Variants in NRXN3 observed in about 807,000 individuals in gnomAD.
NRXN3 encodes neurexin 3.
Under a neutral mutation model 137.6 loss-of-function variants are expected in NRXN3, and 32 were observed. The observed-to-expected ratio is 0.23, with a 90% CI of 0.18 to 0.31. The LOEUF is 0.31. NRXN3 is among the 10% of genes least tolerant of loss of function. NRXN3 has a pLI of 1.00. For synonymous variants in NRXN3, 798 were observed against 784.5 expected, an observed-to-expected ratio of 1.02 and a Z score of -0.29; for missense variants, 1,574 against 2,062.5, an observed-to-expected ratio of 0.76 and a Z score of 4.59.
At position 79,712,065 on chromosome 14, in the gene NRXN3, A is replaced by T. The variant is rs187304813; in HGVS notation, c.4014+14128A>T. 2.4e-3 allele frequency among the ~76,000 whole-genome samples: 361 copies of T among 152,326 alleles called. 1 individual carries two copies. The highest frequency in any genetic ancestry group is 8.2e-3 in the African/African-American group (341 of 41,564). On this transcript the variant is annotated intron_variant, in intron 19 of 20. Coordinates refer to ENST00000335750, the MANE Select transcript of NRXN3 (RefSeq NM_001330195.2). ...ACTTTGTTTTCTGAAAACGCAGCTGAAGATAGATAGATAGCATCGTGAGAC... is the reference window on the plus strand; with the variant it reads ...ACTTTGTTTTCTGAAAACGCAGCTGTAGATAGATAGATAGCATCGTGAGAC...
chr14:78,439,926 T>A (rs113465086), intron 4 of NRXN3, among the ~76,000 whole-genome samples: 4 of 152,206 alleles, frequency 2.6e-5, no homozygotes, highest in Non-Finnish European at 5.9e-5. Context: ...TACCCTGATC[T>A]GGACCCCAGG....
At chr14:79,520,042 TTC>T (rs1228806850) in intron 16 of NRXN3, among the ~76,000 whole-genome samples, 1 of 152,076 alleles carries the variant, frequency 6.6e-6, no homozygotes. Flanking sequence ...CTCTTAAGTT[TTC>T]TGTTTTTTGA....
chr14:79,490,066 T>C (rs913649224), intron 16 of NRXN3, among the ~76,000 whole-genome samples: 12 of 144,950 alleles, frequency 8.3e-5, no homozygotes, highest in Middle Eastern at 3.3e-3. Context: ...AAAAATCTGG[T>C]AATTTCTCTT....
At chr14:78,646,814 G>A (rs537354242) in intron 5 of NRXN3, among the ~76,000 whole-genome samples, 9 of 152,126 alleles carry the variant, frequency 5.9e-5, no homozygotes, top group Middle Eastern at 3.4e-3. Flanking sequence ...ATCTTCTTTC[G>A]TCATTCCTCA....
intron 11 of NRXN3, among the ~76,000 whole-genome samples, chr14:78,958,117 A>G (rs1358783995): frequency 1.3e-5 from 2 of 152,182 alleles, no homozygotes; most frequent in East Asian, 3.9e-4. Flanking sequence ...CAGATCAGAT[A>G]GGACTCTGGT....
intron 14 of NRXN3, among the ~76,000 whole-genome samples, chr14:78,982,965 A>G (rs1330640287): frequency 2.0e-5 from 3 of 152,190 alleles, no homozygotes. Context: ...CAATCAAAAA[A>G]TGAGCAAAGA....
At chr14:78,265,350 T>C (rs895796702) in intron 2 of NRXN3, among the ~76,000 whole-genome samples, 2 of 152,184 alleles carry the variant, frequency 1.3e-5, no homozygotes, top group African/African-American at 4.8e-5. Flanking sequence ...GGTGGCATCC[T>C]GGTGCCTGCT....
intron 15 of NRXN3, among the ~76,000 whole-genome samples, chr14:79,098,734 G>A (rs917496302): frequency 2.0e-5 from 3 of 152,212 alleles, no homozygotes; most frequent in African/African-American, 7.2e-5. Flanking sequence ...ACTCATCGGA[G>A]TGCTTTCATC....
chr14:78,468,230 T>G (rs568280524), intron 4 of NRXN3, among the ~76,000 whole-genome samples: 1 of 152,288 alleles, frequency 6.6e-6, no homozygotes, highest in African/African-American at 2.4e-5. Flanking sequence ...CACCCCAAAA[T>G]TCCGTAGTTT....
intron 8 of NRXN3, among the ~76,000 whole-genome samples, chr14:78,797,284 T>TTATAATAAA (rs2098824899): frequency 1.3e-5 from 2 of 152,196 alleles, no homozygotes; most frequent in Admixed American, 6.5e-5. Flanking sequence ...CCAGACTTGT[T>TTATAATAAA]ACAATGTATT....
chr14:79,837,345 T>TG (rs2141368381), intron 20 of NRXN3, among the ~76,000 whole-genome samples: 1 of 152,220 alleles, frequency 6.6e-6, no homozygotes, highest in East Asian at 1.9e-4. Context: ...GGCACTAAAA[T>TG]GGGGCACAGA....
intron 14 of NRXN3, among the ~76,000 whole-genome samples, chr14:78,981,540 T>A (rs1317181799): frequency 6.6e-6 from 1 of 152,240 alleles, no homozygotes; most frequent in Non-Finnish European, 1.5e-5. Context: ...TAAAAATTAC[T>A]TAAATTTGAA....
chr14:79,056,951 T>C (rs896002141), intron 15 of NRXN3, among the ~76,000 whole-genome samples: 1 of 152,210 alleles, frequency 6.6e-6, no homozygotes, highest in Non-Finnish European at 1.5e-5. Context: ...ATGCTTCTAG[T>C]TAATATGATA....
chr14:78,235,595 TAAAA>T (rs59835294), intron 1 of NRXN3, among the ~76,000 whole-genome samples: 2 of 136,520 alleles, frequency 1.5e-5, no homozygotes, highest in Non-Finnish European at 3.2e-5. Context: ...TAGTTTTTAG[TAAAA>T]AAAAAAAAAA....
intron 19 of NRXN3, among the ~76,000 whole-genome samples, chr14:79,731,007 A>G (rs2098920174): frequency 6.6e-6 from 1 of 152,208 alleles, no homozygotes; most frequent in Admixed American, 6.5e-5. Flanking sequence ...TCCTTTGGAA[A>G]AAACCTACAA....
At chr14:78,181,149 G>A (rs772654094) in intron 1 of NRXN3, among the ~76,000 whole-genome samples, 2 of 152,210 alleles carry the variant, frequency 1.3e-5, no homozygotes, top group Non-Finnish European at 1.5e-5. Flanking sequence ...ATCCAGTGGG[G>A]CAATGTTTAT....
intron 16 of NRXN3, among the ~76,000 whole-genome samples, chr14:79,494,404 G>T (rs2096746530): frequency 6.6e-6 from 1 of 152,110 alleles, no homozygotes; most frequent in Non-Finnish European, 1.5e-5. Flanking sequence ...TAATCTCCTA[G>T]AAACTTGAAA....
chr14:79,549,153 A>G (rs1425068242), intron 16 of NRXN3, among the ~76,000 whole-genome samples: 1 of 152,140 alleles, frequency 6.6e-6, no homozygotes. Flanking sequence ...TCTGTGAGCT[A>G]CTGCATTGTT....
chr14:79,094,654 T>C lies in NRXN3; in HGVS notation c.3262+106513T>C, dbSNP rs191664209. Among the ~76,000 whole-genome samples the C allele has an allele frequency of 2.9e-3, 439 of 152,314 alleles. 2 individuals are homozygous for C. Among genetic ancestry groups the C allele is most frequent in the African/African-American group, 1.0e-2 (414 of 41,556 alleles). ...TGTATTTTTTACCCTTGAAGGAATA[T>C]GGGACTGTTAGGGTTTTAAAAGAAG... On this transcript the variant is annotated intron_variant, in intron 15 of 20. Coordinates refer to ENST00000335750, the MANE Select transcript of NRXN3 (RefSeq NM_001330195.2).
Sources: allele counts gnomAD v4.1 joint callset (sites outside exome capture counted in the v4.1 genomes callset), GRCh38; gene constraint gnomAD v4.1.1; transcripts MANE v1.5; gene names NCBI Gene and HGNC (gene_info 2026-07-23, HGNC 2026-07-21).